SOX10: variants seen among roughly 807,000 people sequenced by gnomAD.
The protein encoded by SOX10 is transcription factor SOX-10.
Under a neutral mutation model 35.0 loss-of-function variants are expected in SOX10, and 3 were observed. That is an observed-to-expected ratio of 0.09 (90% CI 0.04 to 0.22). The LOEUF (loss-of-function observed/expected upper bound fraction) is 0.22, where lower values mean the gene tolerates loss of function less well. Ranked by LOEUF, SOX10 falls within the 10% of genes least tolerant of loss-of-function variation. SOX10 has a pLI of 1.00. For synonymous variants in SOX10, 285 were observed against 291.0 expected (o/e 0.98, Z 0.21); for missense variants, 436 against 655.1 (o/e 0.67, Z 3.65).
rs147334218 is a variant in SOX10 at position 37,974,074 on chromosome 22, G to A, written c.822C>T (p.Gly274=). ...GGCTGATCTCACCAATGTCCACGTT[G>A]CCGAAGTCGATGTGAGGCTTCCCGC... The part of the protein sequence containing the change: ...GEGGKPHIDF[G]NVDIGEISHE... The change falls in exon 4 of 4, where the codon GGC becomes GGT. Residue 274 remains glycine, a synonymous_variant. Transcript: ENST00000396884. This position sits in a 1 kb window ranked among gnomAD's most constrained non-coding sequence, Gnocchi z 5.4. 1.6e-3 allele frequency: 2,504 copies of A among 1,614,022 alleles called. 3 individuals carry two copies. The highest frequency in any genetic ancestry group is 2.2e-3 in the Admixed American group (131 of 60,020).
intron 2 of SOX10, among the ~76,000 whole-genome samples, chr22:37,979,137 G>A (rs183501505): frequency 2.0e-5 from 3 of 151,410 alleles, no homozygotes; most frequent in African/African-American, 4.9e-5. Context: ...TCACTCTGTC[G>A]CCCAGGCTGG....
In SOX10 at chr22:37,972,925, G is replaced by A. The variant is rs1932102270; in HGVS notation, c.*570C>T. ...TTCAGAAAGGGAGGGGGCATTGAAG[G>A]GATGAGAACTCCACTAAGTCCCTCG... On this transcript the variant is annotated 3_prime_UTR_variant, in exon 4 of 4. Coordinates refer to ENST00000396884, the MANE Select transcript of SOX10 (RefSeq NM_006941.4). 6.5e-6 allele frequency: 1 copy of A among 154,280 alleles called. No homozygotes were observed. The highest frequency in any genetic ancestry group is 2.0e-4 in the South Asian group (1 of 4,964). The allele number at this position is 154,280 out of a possible 1,614,324, so 9.6% of individuals were successfully genotyped here.
rs545871612 is a variant in SOX10 at position 37,980,815 on chromosome 22, G to A, written c.428+2542C>T. On this transcript the variant is annotated intron_variant, in intron 2 of 3. Coordinates refer to ENST00000396884, the MANE Select transcript of SOX10 (RefSeq NM_006941.4). This position sits in a 1 kb window ranked among gnomAD's most constrained non-coding sequence, Gnocchi z 4.1. Reference sequence around the variant, plus strand: ...ACCCCAACCGGGGACCTCCCACAGTGGGGCACTGATTGCTGCTACCTGTGT... The same window carrying A: ...ACCCCAACCGGGGACCTCCCACAGTAGGGCACTGATTGCTGCTACCTGTGT... 6.6e-6 allele frequency among the ~76,000 whole-genome samples: 1 copy of A among 152,368 alleles called. No individual in the cohort carries two copies. The highest frequency in any genetic ancestry group is 1.5e-5 in the Non-Finnish European group (1 of 68,048).
rs373006786 is a variant in SOX10, at chr22:37,974,229, G to A, written c.698-31C>T. ...TAGAAGGGAGACAGAGAGAGAGAGC[G>A]CAAGGGGGAAGCAGGTTAGAGGCAG... On this transcript the variant is annotated intron_variant, in intron 3 of 3. Coordinates refer to ENST00000396884, the MANE Select transcript of SOX10 (RefSeq NM_006941.4). This position sits in a 1 kb window ranked among gnomAD's most constrained non-coding sequence, Gnocchi z 5.4. 45 of 1,541,234 alleles carry A rather than the reference G, an allele frequency of 2.9e-5. No individual in the cohort carries two copies. Among genetic ancestry groups the A allele is most frequent in the Middle Eastern group, 1.9e-4 (1 of 5,304 alleles).
chr22:37,983,591 T>C lies in SOX10; in HGVS notation c.194A>G (p.Asp65Gly). 1 of 1,609,158 alleles carries C rather than the reference T, an allele frequency of 6.2e-7. No homozygotes were observed. The highest frequency in any genetic ancestry group is 1.1e-5 in the South Asian group (1 of 90,676). ...KKEQQDGEAD[D>G]DKFPVCIREA... ...GCGGATGCACACGGGGAACTTGTCATCGTCCGCCTCGCCGTCCTGCTGCTC... is the reference window on the plus strand; with the variant it reads ...GCGGATGCACACGGGGAACTTGTCACCGTCCGCCTCGCCGTCCTGCTGCTC... The change falls in exon 2 of 4, where the codon GAT (aspartate) becomes GGT (glycine). Residue 65 changes from aspartate to glycine, a missense_variant. By Grantham distance (94) the Asp-to-Gly change is moderately conservative (BLOSUM62 -1). Around this residue, in one of 3 missense-constraint regions of SOX10, gnomAD observed 97 missense variants for 95.5 expected, o/e 1.02. Transcript: ENST00000396884. This position sits in a 1 kb window ranked among gnomAD's most constrained non-coding sequence, Gnocchi z 9.5.
chr22:37,976,796 C>T (rs1183330510), intron 3 of SOX10, among the ~76,000 whole-genome samples: 1 of 152,158 alleles, frequency 6.6e-6, no homozygotes, highest in African/African-American at 2.4e-5. Context: ...AACAGAGTAG[C>T]TGCTCAATTA....
At chr22:37,977,477 C>T (rs372985551) in intron 3 of SOX10, among the ~76,000 whole-genome samples, 3 of 151,516 alleles carry the variant, frequency 2.0e-5, no homozygotes, top group African/African-American at 7.3e-5. Context: ...CTCGCCACCA[C>T]GCCCAGCTAA....
At chr22:37,981,316 C>T (rs1372388409) in intron 2 of SOX10, among the ~76,000 whole-genome samples, 1 of 152,246 alleles carries the variant, frequency 6.6e-6, no homozygotes, top group East Asian at 1.9e-4. Context: ...GACCCCCCTC[C>T]AGGGTCCAGG....
intron 3 of SOX10, among the ~76,000 whole-genome samples, chr22:37,976,082 G>A (rs533129117): frequency 4.6e-5 from 7 of 152,074 alleles, no homozygotes; most frequent in Non-Finnish European, 1.0e-4. Context: ...AATTAGCTGG[G>A]TGTGGTGGCG....
At chr22:37,976,247 G>C (rs1233445854) in intron 3 of SOX10, among the ~76,000 whole-genome samples, 1 of 152,026 alleles carries the variant, frequency 6.6e-6, no homozygotes, top group Non-Finnish European at 1.5e-5. Context: ...ACAAAAAAAA[G>C]ACAGAGTCTT....
At chr22:37,982,310 C>T (rs1016676276) in intron 2 of SOX10, among the ~76,000 whole-genome samples, 2 of 152,136 alleles carry the variant, frequency 1.3e-5, no homozygotes, top group African/African-American at 4.8e-5. Flanking sequence ...GTCTCTTGGT[C>T]AGTCTAGCGA....
rs186831346 is a variant in SOX10 at position 37,976,880 on chromosome 22, G to T, written c.697+987C>A. Among the ~76,000 whole-genome samples the T allele has an allele frequency of 3.5e-3, 539 of 152,202 alleles. 4 individuals are homozygous for T. The highest frequency in any genetic ancestry group is 0.012 in the African/African-American group (493 of 41,526). ...TCTGGCCCATCCATGGCCAGACACG[G>T]TATCACATGCCATGTCTCCTCTGTC... On this transcript the variant is annotated intron_variant, in intron 3 of 3. Coordinates refer to ENST00000396884, the MANE Select transcript of SOX10 (RefSeq NM_006941.4).
At position 37,978,564 on chromosome 22, in the gene SOX10, C is replaced by G. The variant is rs1569169477; in HGVS notation, c.429-429G>C. ...GACTGAGGGTGGGCAATAGAAGCAG[C>G]ATGGCTGGGGGAGAACTCAGTCTCT... On this transcript the variant is annotated intron_variant, in intron 2 of 3. Coordinates refer to ENST00000396884, the MANE Select transcript of SOX10 (RefSeq NM_006941.4). The surrounding 1 kb of genome is among the most constrained non-coding windows in gnomAD (Gnocchi z 5.0). 1.3e-5 allele frequency among the ~76,000 whole-genome samples: 2 copies of G among 152,326 alleles called. No individual in the cohort carries two copies. The highest frequency in any genetic ancestry group is 3.9e-4 in the East Asian group (2 of 5,188).
chr22:37,980,854 G>A lies in SOX10; in HGVS notation c.428+2503C>T, dbSNP rs1325368153. Reference sequence around the variant, plus strand: ...TGCTACCTGTGTCCTGCTAGGCCAGGGGCATAAGAAGACTACTTGGGGAAG... The same window carrying A: ...TGCTACCTGTGTCCTGCTAGGCCAGAGGCATAAGAAGACTACTTGGGGAAG... On this transcript the variant is annotated intron_variant, in intron 2 of 3. Coordinates refer to ENST00000396884, the MANE Select transcript of SOX10 (RefSeq NM_006941.4). This position sits in a 1 kb window ranked among gnomAD's most constrained non-coding sequence, Gnocchi z 4.1. 6.6e-6 allele frequency among the ~76,000 whole-genome samples: 1 copy of A among 152,238 alleles called. No individual in the cohort carries two copies. Among genetic ancestry groups the A allele is most frequent in the South Asian group, 2.1e-4 (1 of 4,836 alleles).
rs1440707884 is a variant in SOX10 at position 37,978,828 on chromosome 22, G to A, written c.429-693C>T. Among the ~76,000 whole-genome samples the A allele has an allele frequency of 6.6e-6, 1 of 151,994 alleles. No individual in the cohort carries two copies. The highest frequency in any genetic ancestry group is 1.5e-5 in the Non-Finnish European group (1 of 68,004). ...ATCTCACTCTGTCACCCATGCTAGAGCTCAGTGGTATGATCTCAGCTCACT... is the reference window on the plus strand; with the variant it reads ...ATCTCACTCTGTCACCCATGCTAGAACTCAGTGGTATGATCTCAGCTCACT... On this transcript the variant is annotated intron_variant, in intron 2 of 3. Transcript: ENST00000396884. This position sits in a 1 kb window ranked among gnomAD's most constrained non-coding sequence, Gnocchi z 5.0.
Position 37,973,783 on chromosome 22 carries a change from G to A in SOX10, c.1113C>T (p.Asp371=), listed in dbSNP as rs1932133972. 1 of 1,595,572 alleles carries A rather than the reference G, an allele frequency of 6.3e-7. No individual in the cohort carries two copies. The highest frequency in any genetic ancestry group is 8.6e-7 in the Non-Finnish European group (1 of 1,168,496). ...AGGCGATCTGTGAGGTGGATGGCTG[G>A]TCGGTGTAGTGTGGGGGCCCCTGGG... ...AGPQGPPHYT[D]QPSTSQIAYT... The change falls in exon 4 of 4, where the codon GAC becomes GAT. Residue 371 remains aspartate (D), a synonymous_variant. Coordinates refer to ENST00000396884, the MANE Select transcript of SOX10 (RefSeq NM_006941.4).
rs1344660542 is a variant in SOX10, at chr22:37,974,749, G to GA, written c.698-552dup. ...GTCCTGGGGAGGCCTGCCTCATTCT[G>GA]AAAAAACCTTTCCTGTGGAAAGTTC... On this transcript the variant is annotated intron_variant, in intron 3 of 3. Transcript: ENST00000396884. This position sits in a 1 kb window ranked among gnomAD's most constrained non-coding sequence, Gnocchi z 5.4. Among the ~76,000 whole-genome samples the GA allele has an allele frequency of 2.6e-5, 4 of 152,144 alleles. No individual in the cohort carries two copies. Among genetic ancestry groups the GA allele is most frequent in the Admixed American group, 2.6e-4 (4 of 15,266 alleles).
At position 37,973,147 on chromosome 22, in the gene SOX10, A is replaced by C; in HGVS notation, c.*348T>G. 1 of 277,750 alleles carries C rather than the reference A, an allele frequency of 3.6e-6. No individual in the cohort carries two copies. The highest frequency in any genetic ancestry group is 6.8e-6 in the Non-Finnish European group (1 of 146,500). 17.2% of individuals were successfully genotyped at this position (277,750 alleles called of 1,614,324 possible). A position where few individuals can be genotyped will look rare whatever the true frequency, so the allele number is the denominator to read the frequency against. ...GAGTGGTAAGGCCTCCGATGCCACC[A>C]ACCCTGGTGCTTCCCCTCCCCGAGG... On this transcript the variant is annotated 3_prime_UTR_variant, in exon 4 of 4. Transcript: ENST00000396884.
chr22:37,977,977 T>G lies in SOX10; in HGVS notation c.587A>C (p.Glu196Ala). 6.2e-7 allele frequency: 1 copy of G among 1,612,072 alleles called. No homozygotes were observed. The highest frequency in any genetic ancestry group is 1.1e-5 in the South Asian group (1 of 91,058). ...CTGGATGGCGGCGGTCCCACCTTGC[T>G]CGGCCTCCCCACCGGGGCACTCCGC... The part of the protein sequence containing the change: ...GEAECPGGEA[E>A]QGGTAAIQAH... Residue 196 changes from glutamate to alanine, a missense_variant, in exon 3 of 4, where the codon GAG becomes GCG. By Grantham distance (107) the Glu-to-Ala change is moderately radical. Coordinates refer to ENST00000396884, the MANE Select transcript of SOX10 (RefSeq NM_006941.4).
Sources: allele counts gnomAD v4.1 joint callset (sites outside exome capture counted in the v4.1 genomes callset), GRCh38; gene constraint gnomAD v4.1.1; regional missense constraint gnomAD v4.1.1; non-coding constraint Gnocchi (gnomAD v3.1); transcripts MANE v1.5; gene names NCBI Gene and HGNC (gene_info 2026-07-23, HGNC 2026-07-21).